The following DNAH6 variants were observed in gnomAD, a reference collection of about 807,000 sequenced individuals.
The protein encoded by DNAH6 is dynein axonemal heavy chain 6.
In DNAH6, 340 loss-of-function variants were observed where a neutral mutation model predicts 491.4. The observed-to-expected ratio is 0.69, with a 90% CI of 0.63 to 0.76. The LOEUF (loss-of-function observed/expected upper bound fraction) is 0.76, where lower values mean the gene tolerates loss of function less well. Ranked by LOEUF, DNAH6 falls within the 30% of genes least tolerant of loss-of-function variation. The pLI is 0.00. For synonymous variants in DNAH6, 1,603 were observed against 1,686.1 expected, an observed-to-expected ratio of 0.95 and a Z score of 1.21; for missense variants, 4,443 against 4,972.2, an observed-to-expected ratio of 0.89 and a Z score of 3.20.
At chr2:84,779,929 A>T (rs1676517662) in intron 64 of DNAH6, among the ~76,000 whole-genome samples, 1 of 152,092 alleles carries the variant, frequency 6.6e-6, no homozygotes, top group Non-Finnish European at 1.5e-5. Context: ...GTTGGTTGGA[A>T]TTTCTTTTCT....
At position 84,777,778 on chromosome 2, in the gene DNAH6, AC is replaced by A. The variant is rs1373467173; in HGVS notation, c.10704-3714del. 3.1e-6 allele frequency: 3 copies of A among 965,216 alleles called. No homozygotes were observed. The East Asian group carries it at 7.1e-5, about 23-fold the overall frequency. The allele number at this position is 965,216 out of a possible 1,614,324, so 59.8% of individuals were successfully genotyped here. A position where few individuals can be genotyped will look rare whatever the true frequency, so the allele number is the denominator to read the frequency against. ...CCAGATTGCAACCACTTCCAATAAT[AC>A]AGTTTTTGGGGAAGCCACTTATCTT... is the stretch of plus-strand genomic sequence containing the variant. On this transcript the variant is annotated intron_variant, in intron 64 of 76. Transcript: ENST00000389394.
At chr2:84,707,777 G>A (rs1696623411) in intron 54 of DNAH6, 61 bp downstream of exon 54, 3 of 1,367,932 alleles carry the variant, frequency 2.2e-6, no homozygotes, top group African/African-American at 2.9e-5. Context: ...AGCCAGGGGT[G>A]GTTCATTTTT....
At chr2:84,482,563 T>G in the DNAH6 span, among the ~76,000 whole-genome samples, 1 of 152,220 alleles carries the variant, frequency 6.6e-6, no homozygotes, top group Admixed American at 6.5e-5. Context: ...CCTGCAGCCT[T>G]AAGACAGTCC....
upstream of DNAH6, among the ~76,000 whole-genome samples, chr2:84,512,850 T>A (rs573071697): frequency 2.0e-5 from 3 of 152,354 alleles, no homozygotes; most frequent in East Asian, 5.8e-4. Context: ...CTTTTTTCCT[T>A]TATTTTAACC....
At chr2:84,628,520 T>C (rs1232967199) in intron 29 of DNAH6, among the ~76,000 whole-genome samples, 1 of 152,158 alleles carries the variant, frequency 6.6e-6, no homozygotes, top group Non-Finnish European at 1.5e-5. Flanking sequence ...CCTAAAGTTT[T>C]CCTCAGGATT....
intron 64 of DNAH6, among the ~76,000 whole-genome samples, chr2:84,775,578 A>C (rs1676043244): frequency 6.6e-6 from 1 of 152,204 alleles, no homozygotes; most frequent in African/African-American, 2.4e-5. Context: ...TAGTTTCAGT[A>C]GGATTGGTAC....
At chr2:84,478,069 C>T in the DNAH6 span, among the ~76,000 whole-genome samples, 1 of 152,170 alleles carries the variant, frequency 6.6e-6, no homozygotes, top group African/African-American at 2.4e-5. Flanking sequence ...AGCTTAAGCC[C>T]TCAGGCCCCA....
chr2:84,727,952 C>T lies in DNAH6; in HGVS notation c.10206+50C>T, dbSNP rs1347947666. ...GATTGATATGGTTTGGCTGTGTCCC[C>T]ACCCAAATCTCATTTTGAATTGTAG... On this transcript the variant is annotated intron_variant, in intron 61 of 76. Transcript: ENST00000389394. 9.5e-6 allele frequency: 11 copies of T among 1,163,692 alleles called. No individual in the cohort carries two copies. The South Asian group carries it at 1.1e-4, about 11-fold the overall frequency. 72.1% of individuals were successfully genotyped at this position (1,163,692 alleles called of 1,614,324 possible). A position where few individuals can be genotyped will look rare whatever the true frequency, so the allele number is the denominator to read the frequency against.
chr2:84,623,441 A>G (rs1391943464), intron 26 of DNAH6, among the ~76,000 whole-genome samples: 1 of 152,226 alleles, frequency 6.6e-6, no homozygotes, highest in Non-Finnish European at 1.5e-5. Flanking sequence ...CAGAAAAATA[A>G]AACAACCTTA....
intron 4 of DNAH6, among the ~76,000 whole-genome samples, chr2:84,540,170 C>G (rs375470915): frequency 7.2e-4 from 110 of 152,156 alleles, no homozygotes; most frequent in African/African-American, 2.5e-3. Flanking sequence ...TTGAAAGAAG[C>G]AGGAGGTAAC....
intron 67 of DNAH6, among the ~76,000 whole-genome samples, chr2:84,786,387 T>C (rs2105243771): frequency 7.0e-6 from 1 of 143,092 alleles, no homozygotes; most frequent in South Asian, 2.2e-4. Context: ...ATTGTGCCAC[T>C]GCACTCTAGC....
chr2:84,706,765 T>C, intron 52 of DNAH6, 131 bp from the exon 53 acceptor site: 1 of 998,774 alleles, frequency 1.0e-6, no homozygotes, highest in Non-Finnish European at 1.4e-6. Flanking sequence ...TTTAACTTTA[T>C]GTATCACATC....
At chr2:84,775,131 T>A (rs1676002513) in intron 64 of DNAH6, among the ~76,000 whole-genome samples, 1 of 152,208 alleles carries the variant, frequency 6.6e-6, no homozygotes, top group South Asian at 2.1e-4. Context: ...AGTATGATGT[T>A]GGCTGTGGAT....
Position 84,624,505 on chromosome 2 carries a change from G to A in DNAH6, c.4238G>A (p.Arg1413His), listed in dbSNP as rs529351050. ...VESFDWQRQL[R>H]YYWDIDLDNC... ...TCTTTTGACTGGCAGAGACAACTGC[G>A]CTATTACTGGGATATAGACCTGGAT... Residue 1413 changes from arginine (R) to histidine (H), a missense_variant, in exon 28 of 77, where the codon CGC becomes CAC. Coordinates refer to ENST00000389394, the MANE Select transcript of DNAH6 (RefSeq NM_001370.2). The A allele has an allele frequency of 2.8e-5, 43 of 1,551,896 alleles. No homozygotes were observed. Among genetic ancestry groups the A allele is most frequent in the African/African-American group, 9.6e-5 (7 of 73,162 alleles).
At chr2:84,658,094 A>G (rs1044023881) in intron 35 of DNAH6, among the ~76,000 whole-genome samples, 198 bp from the exon 36 acceptor site, 1 of 151,996 alleles carries the variant, frequency 6.6e-6, no homozygotes, top group Non-Finnish European at 1.5e-5. Context: ...TCAACTACCC[A>G]TAATTTCCCC....
At chr2:84,735,741 G>T (rs1193509838) in intron 62 of DNAH6, among the ~76,000 whole-genome samples, 1 of 151,568 alleles carries the variant, frequency 6.6e-6, no homozygotes, top group East Asian at 1.9e-4. Flanking sequence ...ACATTTTATT[G>T]ATTTAAGTTC....
chr2:84,597,525 C>T (rs1240935062), intron 18 of DNAH6, among the ~76,000 whole-genome samples: 1 of 152,162 alleles, frequency 6.6e-6, no homozygotes, highest in Non-Finnish European at 1.5e-5. Context: ...TAAGGTTGTG[C>T]AGCCACTTTG....
intron 18 of DNAH6, 26 bp from the exon 19 acceptor site, chr2:84,604,313 T>A: frequency 2.0e-6 from 3 of 1,521,074 alleles, no homozygotes; most frequent in Non-Finnish European, 2.7e-6. Context: ...AAAAGCTTCA[T>A]GTCTCTGAGA....
chr2:84,798,958 G>T (rs1678610954), intron 70 of DNAH6, among the ~76,000 whole-genome samples: 1 of 151,978 alleles, frequency 6.6e-6, no homozygotes, highest in Admixed American at 6.6e-5. Flanking sequence ...ATGCCAGCAA[G>T]GGAGCTGGTC....
Sources: allele counts gnomAD v4.1 joint callset (sites outside exome capture counted in the v4.1 genomes callset), GRCh38; gene constraint gnomAD v4.1.1; transcripts MANE v1.5; gene names NCBI Gene and HGNC (gene_info 2026-07-23, HGNC 2026-07-21).